SLC36A4: variants seen among roughly 807,000 people sequenced by gnomAD.
The protein encoded by SLC36A4 is solute carrier family 36 member 4.
Under a neutral mutation model 50.5 loss-of-function variants are expected in SLC36A4, and 49 were observed. The ratio of observed to expected loss-of-function variants is 0.97; its 90% CI spans 0.77 to 1.23. The LOEUF (loss-of-function observed/expected upper bound fraction) is 1.23. Ranked by LOEUF, SLC36A4 falls within the 50% of genes most tolerant of loss-of-function variation. SLC36A4 has a pLI of 0.00. For synonymous variants in SLC36A4, 207 were observed against 206.5 expected (o/e 1.00, Z -0.02); for missense variants, 611 against 608.4 (o/e 1.00, Z -0.05).
intron 7 of SLC36A4, 119 bp downstream of exon 7, chr11:93,167,825 C>A: frequency 1.6e-6 from 1 of 637,866 alleles, no homozygotes; most frequent in Non-Finnish European, 2.8e-6. Context: ...ACTGATTGCA[C>A]ACTGTGTGCC....
intron 6 of SLC36A4, among the ~76,000 whole-genome samples, chr11:93,177,899 C>T (rs1861558752): frequency 6.6e-6 from 1 of 152,218 alleles, no homozygotes; most frequent in Admixed American, 6.5e-5. Flanking sequence ...CTATTCAAAG[C>T]TGTCAGAGAG....
chr11:93,191,405 A>C (rs928006424), intron 1 of SLC36A4, among the ~76,000 whole-genome samples: 1 of 152,246 alleles, frequency 6.6e-6, no homozygotes, highest in Non-Finnish European at 1.5e-5. Context: ...AGGTAAATGT[A>C]TATGGCAGAA....
At chr11:93,183,139 C>T (rs1244401269) in intron 3 of SLC36A4, among the ~76,000 whole-genome samples, 1 of 152,068 alleles carries the variant, frequency 6.6e-6, no homozygotes, top group Non-Finnish European at 1.5e-5. Flanking sequence ...GGAGTATAGA[C>T]AACAAAGTAG....
chr11:93,167,786 C>G (rs974696746), intron 7 of SLC36A4, among the ~76,000 whole-genome samples, 158 bp downstream of exon 7: 3 of 152,092 alleles, frequency 2.0e-5, no homozygotes, highest in Admixed American at 6.6e-5. Context: ...TCTAACTCAG[C>G]AGCATCCCCC....
intron 9 of SLC36A4, chr11:93,155,107 G>A (rs932572966): frequency 1.3e-5 from 2 of 151,936 alleles, no homozygotes; most frequent in Admixed American, 6.6e-5. Flanking sequence ...AGGACCTAGA[G>A]GAAGAAACAT....
chr11:93,180,525 T>C (rs1861689952), intron 6 of SLC36A4, among the ~76,000 whole-genome samples: 1 of 152,100 alleles, frequency 6.6e-6, no homozygotes, highest in Non-Finnish European at 1.5e-5. Context: ...GCTTTTGAGA[T>C]CTAAGTTTCA....
chr11:93,191,481 G>T (rs111702254), intron 1 of SLC36A4, among the ~76,000 whole-genome samples: 9 of 152,254 alleles, frequency 5.9e-5, no homozygotes, highest in African/African-American at 2.2e-4. Context: ...CCTTTCCTAT[G>T]GAAGGTTTCT....
intron 6 of SLC36A4, among the ~76,000 whole-genome samples, chr11:93,172,093 T>C (rs1051645159): frequency 2.6e-5 from 4 of 152,030 alleles, no homozygotes; most frequent in Admixed American, 2.6e-4. Flanking sequence ...ACTTAATTAT[T>C]TGCAAATATC....
chr11:93,192,020 T>C (rs889444291), intron 1 of SLC36A4, among the ~76,000 whole-genome samples: 9 of 152,196 alleles, frequency 5.9e-5, no homozygotes, highest in Non-Finnish European at 2.9e-5. Flanking sequence ...CACCATTAGA[T>C]GCTGAGAATA....
intron 6 of SLC36A4, among the ~76,000 whole-genome samples, chr11:93,172,692 G>T (rs1416623272): frequency 2.2e-5 from 3 of 139,376 alleles, no homozygotes; most frequent in Non-Finnish European, 4.6e-5. Context: ...GAGAATATGC[G>T]GTGTTTGGTT....
At chr11:93,149,984 A>G (rs1860004904) in intron 10 of SLC36A4, among the ~76,000 whole-genome samples, 1 of 151,968 alleles carries the variant, frequency 6.6e-6, no homozygotes, top group Non-Finnish European at 1.5e-5. Context: ...AAAAAATAGT[A>G]CTCCACTATT....
At chr11:93,190,295 T>C (rs1236990738) in intron 1 of SLC36A4, among the ~76,000 whole-genome samples, 4 of 152,154 alleles carry the variant, frequency 2.6e-5, no homozygotes, top group Admixed American at 6.5e-5. Flanking sequence ...TAAGATCTAA[T>C]GTTCTATAGC....
At chr11:93,151,597 T>C (rs1173064954) in intron 10 of SLC36A4, among the ~76,000 whole-genome samples, 1 of 152,100 alleles carries the variant, frequency 6.6e-6, no homozygotes, top group African/African-American at 2.4e-5. Context: ...ACTTTTCTAG[T>C]CTGCAGAGGC....
In SLC36A4 at chr11:93,154,132, T is replaced by C. The variant is rs368158946; in HGVS notation, c.1183A>G (p.Arg395Gly). 1.1e-5 allele frequency: 17 copies of C among 1,546,240 alleles called. No individual in the cohort carries two copies. In the East Asian group the frequency reaches 2.6e-4, roughly 24 times the overall value. The change falls in exon 10 of 11, where the codon AGA becomes GGA. Residue 395 changes from arginine (R) to glycine (G), a missense_variant. Transcript: ENST00000326402. Reference sequence around the variant, plus strand: ...CAAGTAATACTAACCAAGAAGGATCTTATCCCAAATTCACAGATTTGCTTC... The same window carrying C: ...CAAGTAATACTAACCAAGAAGGATCCTATCCCAAATTCACAGATTTGCTTC... ...KWKQICEFGI[R>G]SFLVSITCAG...
chr11:93,190,591 G>A (rs1436103680), intron 1 of SLC36A4, among the ~76,000 whole-genome samples: 2 of 151,964 alleles, frequency 1.3e-5, no homozygotes, highest in South Asian at 2.1e-4. Context: ...TTAATTTTTC[G>A]AAGTTTAAAT....
chr11:93,165,509 T>C (rs1860819745), intron 8 of SLC36A4, among the ~76,000 whole-genome samples: 1 of 152,190 alleles, frequency 6.6e-6, no homozygotes, highest in Admixed American at 6.6e-5. Context: ...ATCTATAAAA[T>C]ATGCTTCAGA....
chr11:93,181,258 T>C (rs1413708629), intron 5 of SLC36A4, among the ~76,000 whole-genome samples: 3 of 152,146 alleles, frequency 2.0e-5, no homozygotes, highest in Admixed American at 1.3e-4. Context: ...AATAAGGTTA[T>C]GCTAAAATAT....
chr11:93,155,912 T>C (rs1433261176), intron 9 of SLC36A4, among the ~76,000 whole-genome samples: 1 of 152,218 alleles, frequency 6.6e-6, no homozygotes, highest in African/African-American at 2.4e-5. Context: ...TATCTCATTC[T>C]TTTTTATGGC....
intron 6 of SLC36A4, chr11:93,171,959 T>G (rs988601537): frequency 6.6e-5 from 10 of 152,164 alleles, no homozygotes; most frequent in African/African-American, 2.4e-4. Context: ...CTATGTCCTC[T>G]ACATCTCCCA....
Sources: allele counts gnomAD v4.1 joint callset (sites outside exome capture counted in the v4.1 genomes callset), GRCh38; gene constraint gnomAD v4.1.1; transcripts MANE v1.5; gene names NCBI Gene and HGNC (gene_info 2026-07-23, HGNC 2026-07-21).